NPFFR1: variants seen among roughly 807,000 people sequenced by gnomAD.
NPFFR1 encodes neuropeptide FF receptor 1.
NPFFR1 carries 17 observed loss-of-function variants against 12.7 expected under a neutral mutation model. The ratio of observed to expected loss-of-function variants is 1.34; its 90% confidence interval spans 0.92 to 2.01. NPFFR1 has a LOEUF of 2.01. Ranked by LOEUF, NPFFR1 falls within the 30% of genes most tolerant of loss-of-function variation. NPFFR1 has a pLI of 0.00. For missense variants in NPFFR1, 604 were observed against 606.5 expected (o/e 1.00, Z 0.04); for synonymous variants, 296 against 264.5 (o/e 1.12, Z -1.16).
At position 70,254,762 on chromosome 10, in the gene NPFFR1, TC is replaced by T; in HGVS notation, c.*194del. The T allele has an allele frequency of 1.8e-6, 1 of 558,816 alleles. No individual in the cohort carries two copies. The highest frequency in any genetic ancestry group is 4.1e-5 in the Admixed American group (1 of 24,164). 34.6% of individuals were successfully genotyped at this position (558,816 alleles called of 1,614,324 possible). A position where few individuals can be genotyped will look rare whatever the true frequency, so the allele number is the denominator to read the frequency against. On this transcript the variant is annotated 3_prime_UTR_variant, in exon 4 of 4. Transcript: ENST00000277942. ...CACCACACAGGGCAAGTTGGTTCCTTCCCGTCCCCCGCATTTGCCTCTACTG... is the reference window on the plus strand; with the variant it reads ...CACCACACAGGGCAAGTTGGTTCCTTCCGTCCCCCGCATTTGCCTCTACTG...
chr10:70,268,340 T>C (rs1475454723), intron 1 of NPFFR1, among the ~76,000 whole-genome samples: 1 of 152,248 alleles, frequency 6.6e-6, no homozygotes, highest in Admixed American at 6.5e-5. Context: ...AATTATATCA[T>C]TAAATAGCCA....
At chr10:70,266,461 G>C in intron 1 of NPFFR1, 70 bp from the exon 2 acceptor site, 2 of 1,270,918 alleles carry the variant, frequency 1.6e-6, no homozygotes. Flanking sequence ...CACCACTAAT[G>C]AGACCCTCTG....
chr10:70,263,770 T>A (rs1313752302), intron 2 of NPFFR1, among the ~76,000 whole-genome samples: 5 of 150,056 alleles, frequency 3.3e-5, no homozygotes, highest in African/African-American at 1.0e-4. Flanking sequence ...CTTCTGTATG[T>A]GAGTTAAAAA....
chr10:70,270,149 C>T (rs140438318), intron 1 of NPFFR1, among the ~76,000 whole-genome samples: 40 of 152,218 alleles, frequency 2.6e-4, no homozygotes, highest in African/African-American at 8.9e-4. Flanking sequence ...CTTGTCAGTG[C>T]CTGCCCAAAG....
intron 1 of NPFFR1, among the ~76,000 whole-genome samples, chr10:70,279,893 AT>A (rs934077657): frequency 6.6e-6 from 1 of 152,104 alleles, no homozygotes; most frequent in Non-Finnish European, 1.5e-5. Flanking sequence ...CCATCACTCC[AT>A]TCTCCCCCAC....
chr10:70,283,404 GTCT>G (rs748261827), intron 1 of NPFFR1, among the ~76,000 whole-genome samples: 10 of 150,296 alleles, frequency 6.7e-5, no homozygotes, highest in Middle Eastern at 3.4e-3. Context: ...GCACCCCCAG[GTCT>G]TTCTCTCCAT....
At position 70,250,805 on chromosome 10, in the gene NPFFR1, C is replaced by T. The variant is rs971213258; in HGVS notation, c.*4152G>A. ...GTGGTAGGGACATAACTATATACAA[C>T]TGTTAAAACTCGTCAAGCAGTACAC... On this transcript the variant is annotated 3_prime_UTR_variant, in exon 4 of 4. Coordinates refer to ENST00000277942, the MANE Select transcript of NPFFR1 (RefSeq NM_022146.5). The T allele has an allele frequency of 6.6e-6, 1 of 152,214 alleles. No individual in the cohort carries two copies. Among genetic ancestry groups the T allele is most frequent in the Admixed American group, 6.5e-5 (1 of 15,274 alleles). The allele number at this position is 152,214 out of a possible 1,614,324, so 9.4% of individuals were successfully genotyped here.
At chr10:70,268,989 T>C (rs1414133393) in intron 1 of NPFFR1, among the ~76,000 whole-genome samples, 2 of 152,206 alleles carry the variant, frequency 1.3e-5, no homozygotes, top group South Asian at 2.1e-4. Context: ...TCTCTTTTAG[T>C]TCACAGGTCC....
rs1840688161 is a variant in NPFFR1, at chr10:70,266,224, C to T, written c.175G>A (p.Val59Met). Reference protein sequence around the residue: ...AYALIFLLCMVGNTLVCFIVL... With the variant: ...AYALIFLLCMMGNTLVCFIVL... ...ATGAAACAGACCAGGGTGTTGCCCA[C>T]CATGCAGAGCAGGAAGATGAGCGCA... The change falls in exon 2 of 4, where the codon GTG (valine) becomes ATG (methionine). Residue 59 changes from valine to methionine, a missense_variant. By Grantham distance (21) the Val-to-Met change is conservative. Transcript: ENST00000277942. 6.2e-7 allele frequency: 1 copy of T among 1,613,870 alleles called. No homozygotes were observed. Among genetic ancestry groups the T allele is most frequent in the African/African-American group, 1.3e-5 (1 of 74,906 alleles).
intron 2 of NPFFR1, among the ~76,000 whole-genome samples, chr10:70,265,789 T>C (rs1840683593): frequency 6.6e-6 from 1 of 152,184 alleles, no homozygotes; most frequent in African/African-American, 2.4e-5. Context: ...TTCCATAAAA[T>C]GGGGAGGACC....
chr10:70,260,857 G>T (rs1840626217), intron 2 of NPFFR1, 118 bp from the exon 3 acceptor site: 3 of 812,664 alleles, frequency 3.7e-6, no homozygotes, highest in Non-Finnish European at 2.0e-6. Flanking sequence ...GACCTGCTAG[G>T]TGTTATCTGG....
chr10:70,260,407 A>G (rs1024217627), intron 3 of NPFFR1, among the ~76,000 whole-genome samples: 21 of 152,158 alleles, frequency 1.4e-4, no homozygotes, highest in African/African-American at 4.6e-4. Context: ...ACAAAAGCCA[A>G]CCAAGGCTAC....
At position 70,249,688 on chromosome 10, in the gene NPFFR1, G is replaced by A. The variant is rs185342226; in HGVS notation, c.*5269C>T. 2.6e-5 allele frequency: 4 copies of A among 151,906 alleles called. No individual in the cohort carries two copies. The highest frequency in any genetic ancestry group is 2.6e-4 in the Admixed American group (4 of 15,240). The allele number at this position is 151,906 out of a possible 1,614,324, so 9.4% of individuals were successfully genotyped here. Reference sequence around the variant, plus strand: ...GGTAGAGATGGGGTTTCATCACGTTGACCAGGCTGGTCTCGAACTCCTGAC... The same window carrying A: ...GGTAGAGATGGGGTTTCATCACGTTAACCAGGCTGGTCTCGAACTCCTGAC... On this transcript the variant is annotated 3_prime_UTR_variant, in exon 4 of 4. Transcript: ENST00000277942.
chr10:70,272,218 A>G (rs867153096), intron 1 of NPFFR1, among the ~76,000 whole-genome samples: 418 of 8,134 alleles, frequency 0.051, 3 homozygotes, highest in Non-Finnish European at 0.049. Context: ...AAAGGAAAGA[A>G]AGAAAGAAAG....
rs1415920144 is a variant in NPFFR1, at chr10:70,255,530, C to T, written c.720G>A (p.Ala240=). 6.5e-7 allele frequency: 1 copy of T among 1,548,930 alleles called. No homozygotes were observed. The highest frequency in any genetic ancestry group is 2.0e-5 in the Admixed American group (1 of 50,914). ...ALIVVMYARI[A]RKLCQAPGPA... is the part of the protein sequence containing the mutation. ...GGCCCGGGGCCTGGCAGAGCTTGCG[C>T]GCGATGCGGGCGTACATGACCACGA... is the stretch of plus-strand genomic sequence containing the variant. Residue 240 remains alanine (A), a synonymous_variant, in exon 4 of 4, where the codon GCG becomes GCA. Coordinates refer to ENST00000277942, the MANE Select transcript of NPFFR1 (RefSeq NM_022146.5). This position sits in a 1 kb window ranked among gnomAD's most constrained non-coding sequence, Gnocchi z 4.2.
At position 70,260,629 on chromosome 10, in the gene NPFFR1, A is replaced by T. The variant is rs776518519; in HGVS notation, c.422+11T>A. 2.4e-5 allele frequency: 38 copies of T among 1,602,178 alleles called. No homozygotes were observed. The highest frequency in any genetic ancestry group is 3.2e-5 in the Non-Finnish European group (37 of 1,174,450). On this transcript the variant is annotated intron_variant, in intron 3 of 3. Transcript: ENST00000277942. ...TTGGCTCAGGCATAATCCAGCCAGG[A>T]AACCTCTCACCTTTCCACAGCAATG...
intron 3 of NPFFR1, 121 bp downstream of exon 3, chr10:70,260,519 T>A: frequency 1.1e-6 from 1 of 876,458 alleles, no homozygotes; most frequent in Non-Finnish European, 1.8e-6. Context: ...GGCTCAGGAT[T>A]TAGCCCCACT....
rs574047217 is a variant in NPFFR1, at chr10:70,255,098, G to A, written c.1152C>T (p.Pro384=). ...VVVRPSDSGL[P]SESGPSSGAP... is the part of the protein sequence containing the mutation. ...CCCCACTGCTAGGGCCCGACTCAGA[G>A]GGCAGCCCGGAGTCGCTGGGCCGCA... Residue 384 remains proline, a synonymous_variant, in exon 4 of 4, where the codon CCC becomes CCT. Transcript: ENST00000277942. This position sits in a 1 kb window ranked among gnomAD's most constrained non-coding sequence, Gnocchi z 4.2. 1.4e-6 allele frequency: 2 copies of A among 1,478,694 alleles called. No homozygotes were observed. Among genetic ancestry groups the A allele is most frequent in the East Asian group, 5.0e-5 (2 of 39,724 alleles). 91.6% of individuals were successfully genotyped at this position (1,478,694 alleles called of 1,614,324 possible). A position where few individuals can be genotyped will look rare whatever the true frequency, so the allele number is the denominator to read the frequency against.
chr10:70,263,191 C>A (rs553333402), intron 2 of NPFFR1, among the ~76,000 whole-genome samples: 91 of 152,062 alleles, frequency 6.0e-4, no homozygotes, highest in African/African-American at 2.0e-3. Flanking sequence ...ACAACAACAA[C>A]AAAAAAGCCC....
Sources: gnomAD v4.1 joint callset for allele counts (sites outside exome capture counted in the v4.1 genomes callset) on GRCh38, gnomAD v4.1.1 for gene constraint, Gnocchi (gnomAD v3.1) non-coding constraint, MANE v1.5 for transcripts, NCBI Gene and HGNC (gene_info 2026-07-23, HGNC 2026-07-21) for gene names.